The following CA12 variants were observed in gnomAD, a reference collection of about 807,000 sequenced individuals.
The protein encoded by CA12 is carbonic anhydrase 12.
Under a neutral mutation model 46.8 loss-of-function variants are expected in CA12, and 36 were observed. That is an observed-to-expected ratio of 0.77 (90% CI 0.59 to 1.02). The LOEUF is 1.02. CA12 is among the 50% of genes least tolerant of loss of function. The pLI is 0.00. For missense variants in CA12, 436 were observed against 451.4 expected (o/e 0.97, Z 0.31); for synonymous variants, 202 against 187.0 (o/e 1.08, Z -0.65).
intron 8 of CA12, among the ~76,000 whole-genome samples, chr15:63,334,273 T>TTC (rs2038971081): frequency 1.6e-5 from 2 of 126,326 alleles, no homozygotes; most frequent in South Asian, 5.1e-4. Flanking sequence ...TTTTTTTTTT[T>TTC]CAGATGGAGT....
In CA12 at chr15:63,327,084, C is replaced by A; in HGVS notation, c.992+65G>T. On this transcript the variant is annotated intron_variant, in intron 10 of 10. Coordinates refer to ENST00000178638, the MANE Select transcript of CA12 (RefSeq NM_001218.5). This position sits in a 1 kb window ranked among gnomAD's most constrained non-coding sequence, Gnocchi z 4.5. ...CTCTTCATGCCACAAAGCTGCCTTC[C>A]CAGGCAGACTAATCATCATGGACAC... The A allele has an allele frequency of 4.9e-6, 7 of 1,431,256 alleles. No homozygotes were observed. The highest frequency in any genetic ancestry group is 6.9e-6 in the Non-Finnish European group (7 of 1,015,306). 88.7% of individuals were successfully genotyped at this position (1,431,256 alleles called of 1,614,324 possible). A position where few individuals can be genotyped will look rare whatever the true frequency, so the allele number is the denominator to read the frequency against.
In CA12 at chr15:63,342,005, A is replaced by G. The variant is rs1239246875; in HGVS notation, c.522T>C (p.Ile174=). The G allele has an allele frequency of 1.9e-6, 3 of 1,609,976 alleles. No homozygotes were observed. Among genetic ancestry groups the G allele is most frequent in the Non-Finnish European group, 2.6e-6 (3 of 1,176,368 alleles). Residue 174 remains isoleucine (I), a synonymous_variant, in exon 5 of 11, where the codon ATT becomes ATC. Transcript: ENST00000178638. ...SEGLAVLAVL[I]EMGSFNPSYD... is the part of the protein sequence containing the mutation. Reference sequence around the variant, plus strand: ...GAACCTTTTAAATATCTCTTACCTCAATGAGAACAGCCAGGACAGCGAGGC... The same window carrying G: ...GAACCTTTTAAATATCTCTTACCTCGATGAGAACAGCCAGGACAGCGAGGC...
intron 10 of CA12, 91 bp from the exon 11 acceptor site, chr15:63,326,448 T>A: frequency 3.0e-6 from 3 of 1,009,136 alleles, no homozygotes; most frequent in Middle Eastern, 2.0e-4. Flanking sequence ...AGGCCGTTTT[T>A]AAAAGTTGGA....
chr15:63,347,232 G>A (rs1307776447), intron 2 of CA12, among the ~76,000 whole-genome samples: 1 of 152,092 alleles, frequency 6.6e-6, no homozygotes, highest in Non-Finnish European at 1.5e-5. Flanking sequence ...AAATAATTGC[G>A]GTTTTTGCCA....
At chr15:63,338,637 C>T (rs1232291079) in intron 8 of CA12, among the ~76,000 whole-genome samples, 182 bp downstream of exon 8, 1 of 152,176 alleles carries the variant, frequency 6.6e-6, no homozygotes, top group Non-Finnish European at 1.5e-5. Flanking sequence ...CAAAGACTCA[C>T]TGAAGGGGGG....
intron 8 of CA12, among the ~76,000 whole-genome samples, chr15:63,335,142 G>A (rs2038985260): frequency 6.6e-6 from 1 of 152,110 alleles, no homozygotes; most frequent in Non-Finnish European, 1.5e-5. Context: ...AACTGGGGAG[G>A]GGCAACTGGC....
At chr15:63,370,750 G>A (rs887564271) in intron 2 of CA12, among the ~76,000 whole-genome samples, 1 of 151,520 alleles carries the variant, frequency 6.6e-6, no homozygotes, top group Admixed American at 6.6e-5. Context: ...TCCAGTCTGG[G>A]TGGCAGAGCG....
intron 2 of CA12, among the ~76,000 whole-genome samples, chr15:63,364,835 G>A (rs962930789): frequency 1.3e-5 from 2 of 152,224 alleles, no homozygotes; most frequent in Non-Finnish European, 2.9e-5. Flanking sequence ...GTTCCTGAGG[G>A]CACTGTTTCA....
In CA12 at chr15:63,331,986, T is replaced by C. The variant is rs1254018379; in HGVS notation, c.875-3856A>G. ...TGTTTGACTGTGGACTATAATCCTT[T>C]TCAAGTATTATTTTAAAGTACACAC... On this transcript the variant is annotated intron_variant, in intron 8 of 10. Coordinates refer to ENST00000178638, the MANE Select transcript of CA12 (RefSeq NM_001218.5). The surrounding 1 kb of genome is among the most constrained non-coding windows in gnomAD (Gnocchi z 5.3). Among the ~76,000 whole-genome samples the C allele has an allele frequency of 6.6e-6, 1 of 152,196 alleles. No individual in the cohort carries two copies. Among genetic ancestry groups the C allele is most frequent in the Non-Finnish European group, 1.5e-5 (1 of 68,040 alleles).
At chr15:63,379,867 A>G (rs2039622762) in intron 1 of CA12, among the ~76,000 whole-genome samples, 1 of 152,206 alleles carries the variant, frequency 6.6e-6, no homozygotes, top group Admixed American at 6.5e-5. Flanking sequence ...CACGGCAACT[A>G]AGAATTCCAA....
chr15:63,373,176 C>T lies in CA12; in HGVS notation c.106+2482G>A, dbSNP rs2039528574. On this transcript the variant is annotated intron_variant, in intron 2 of 10. Transcript: ENST00000178638. The surrounding 1 kb of genome is among the most constrained non-coding windows in gnomAD (Gnocchi z 4.9). ...GATCAGGAGTTCGAGACCAGCCTGG[C>T]CATCATGGTGAAACCCCATCTCTAA... Among the ~76,000 whole-genome samples the T allele has an allele frequency of 6.6e-6, 1 of 152,112 alleles. No homozygotes were observed. Among genetic ancestry groups the T allele is most frequent in the South Asian group, 2.1e-4 (1 of 4,830 alleles).
intron 1 of CA12, among the ~76,000 whole-genome samples, chr15:63,376,600 T>TTCTC (rs1555432621): frequency 2.5e-4 from 34 of 134,090 alleles, no homozygotes; most frequent in South Asian, 5.4e-4. Flanking sequence ...CTTTCTTTCT[T>TTCTC]TCTCTCTCTC....
chr15:63,345,649 G>GC lies in CA12; in HGVS notation c.287-31dup. On this transcript the variant is annotated intron_variant, in intron 3 of 10. Coordinates refer to ENST00000178638, the MANE Select transcript of CA12 (RefSeq NM_001218.5). This position sits in a 1 kb window ranked among gnomAD's most constrained non-coding sequence, Gnocchi z 4.3. ...GGGGAGTGGAGGAGCAGCCTTCAGAGCCCCGGCCAGCTGTGCACTGCCAGA... is the reference window on the plus strand; with the variant it reads ...GGGGAGTGGAGGAGCAGCCTTCAGAGCCCCCGGCCAGCTGTGCACTGCCAGA... 6.2e-7 allele frequency: 1 copy of GC among 1,603,030 alleles called. No individual in the cohort carries two copies.
At chr15:63,337,160 G>A (rs868073368) in intron 8 of CA12, among the ~76,000 whole-genome samples, 1 of 152,196 alleles carries the variant, frequency 6.6e-6, no homozygotes, top group African/African-American at 2.4e-5. Context: ...CTGAGAAACT[G>A]AGGAAAGAGG....
intron 2 of CA12, among the ~76,000 whole-genome samples, chr15:63,350,114 C>G (rs2039208757): frequency 6.6e-6 from 1 of 152,182 alleles, no homozygotes; most frequent in Non-Finnish European, 1.5e-5. Context: ...ATAGGGCCCT[C>G]CCCCAGCATG....
chr15:63,328,357 G>A lies in CA12; in HGVS notation c.875-227C>T, dbSNP rs891878735. Among the ~76,000 whole-genome samples the A allele has an allele frequency of 7.3e-6, 1 of 136,344 alleles. No individual in the cohort carries two copies. The highest frequency in any genetic ancestry group is 2.8e-5 in the African/African-American group (1 of 36,072). The allele number at this position is 136,344 out of a possible 152,430, so 89.4% of individuals were successfully genotyped here. On this transcript the variant is annotated intron_variant, in intron 8 of 10. Coordinates refer to ENST00000178638, the MANE Select transcript of CA12 (RefSeq NM_001218.5). This position sits in a 1 kb window ranked among gnomAD's most constrained non-coding sequence, Gnocchi z 5.9. Reference sequence around the variant, plus strand: ...ATGCTCCTTTTTTTTTTTTTTTTGAGATGGAATCTCGCTCTGCCGCCCAGG... The same window carrying A: ...ATGCTCCTTTTTTTTTTTTTTTTGAAATGGAATCTCGCTCTGCCGCCCAGG...
Position 63,325,590 on chromosome 15 carries a change from C to T in CA12, c.*695G>A, listed in dbSNP as rs966636818. 2.0e-5 allele frequency: 3 copies of T among 153,034 alleles called. No individual in the cohort carries two copies. Among genetic ancestry groups the T allele is most frequent in the Non-Finnish European group, 4.4e-5 (3 of 68,626 alleles). The allele number at this position is 153,034 out of a possible 1,614,324, so 9.5% of individuals were successfully genotyped here. ...CTCTTTGTCCCTCTAGCTCTCTCTCCCTTCTCATCCCCACCAAGAAGTGGA... is the reference window on the plus strand; with the variant it reads ...CTCTTTGTCCCTCTAGCTCTCTCTCTCTTCTCATCCCCACCAAGAAGTGGA... On this transcript the variant is annotated 3_prime_UTR_variant, in exon 11 of 11. Coordinates refer to ENST00000178638, the MANE Select transcript of CA12 (RefSeq NM_001218.5). The surrounding 1 kb of genome is among the most constrained non-coding windows in gnomAD (Gnocchi z 4.9).
At chr15:63,365,791 C>T (rs1265164876) in intron 2 of CA12, among the ~76,000 whole-genome samples, 1 of 152,182 alleles carries the variant, frequency 6.6e-6, no homozygotes, top group Non-Finnish European at 1.5e-5. Context: ...CACCCTGCAG[C>T]TGGGATGATT....
At chr15:63,371,277 T>C (rs778719766) in intron 2 of CA12, among the ~76,000 whole-genome samples, 46 of 152,074 alleles carry the variant, frequency 3.0e-4, no homozygotes, top group Non-Finnish European at 5.6e-4. Context: ...GTGGAGGATC[T>C]CCCCCTGATT....
Sources: gnomAD v4.1 joint callset for allele counts (sites outside exome capture counted in the v4.1 genomes callset) on GRCh38, gnomAD v4.1.1 for gene constraint, Gnocchi (gnomAD v3.1) non-coding constraint, MANE v1.5 for transcripts, NCBI Gene and HGNC (gene_info 2026-07-23, HGNC 2026-07-21) for gene names.